Variants in XCR1 observed in about 807,000 individuals in gnomAD.
The protein encoded by XCR1 is X-C motif chemokine receptor 1, also known as chemokine XC receptor 1.
For synonymous variants in XCR1, 187 were observed against 188.5 expected (o/e 0.99, Z 0.06); for missense variants, 356 against 424.2 (o/e 0.84, Z 1.41).
chr3:46,023,658 T>G (rs1708217707), intron 1 of XCR1: 2 of 1,404,320 alleles, frequency 1.4e-6, no homozygotes. Context: ...AGTACAGCCC[T>G]TCTTCAGAGA....
At chr3:46,044,840 C>T (rs1697595837) in intron 5 of XCR1, among the ~76,000 whole-genome samples, 1 of 152,128 alleles carries the variant, frequency 6.6e-6, no homozygotes, top group African/African-American at 2.4e-5. Flanking sequence ...AGCTATTAAA[C>T]AAATTAAATC....
chr3:46,053,805 C>T (rs1428035964), intron 5 of XCR1, among the ~76,000 whole-genome samples: 1 of 152,060 alleles, frequency 6.6e-6, no homozygotes, highest in Admixed American at 6.5e-5. Flanking sequence ...AGCAACTGCA[C>T]ATAATGTTTT....
At chr3:46,057,750 T>A (rs1697877774) in intron 4 of XCR1, among the ~76,000 whole-genome samples, 1 of 152,180 alleles carries the variant, frequency 6.6e-6, no homozygotes, top group Non-Finnish European at 1.5e-5. Flanking sequence ...AGCCTTTACC[T>A]GAGAGTTCCA....
chr3:46,021,214 A>G lies in XCR1; in HGVS notation c.734T>C (p.Leu245Pro), dbSNP rs768430699. ...GGTCCGAAACAGCGTCTGCAGAAAC[A>G]GGGTGAAGTTGTAGGGACCCCAGCT... ...FLSWGPYNFT[L>P]FLQTLFRTQI... is the part of the protein sequence containing the mutation. Residue 245 changes from leucine (L) to proline (P), a missense_variant, in exon 2 of 2, where the codon CTG (leucine) becomes CCG (proline). Physicochemically the swap from Leu to Pro is moderately conservative, Grantham distance 98. Transcript: ENST00000309285. This position sits in a 1 kb window ranked among gnomAD's most constrained non-coding sequence, Gnocchi z 4.7. 1.9e-5 allele frequency: 30 copies of G among 1,614,116 alleles called. No individual in the cohort carries two copies. The highest frequency in any genetic ancestry group is 2.4e-5 in the Non-Finnish European group (28 of 1,180,038).
At chr3:46,053,007 C>T (rs1697777691) in intron 5 of XCR1, among the ~76,000 whole-genome samples, 2 of 152,286 alleles carry the variant, frequency 1.3e-5, no homozygotes, top group Non-Finnish European at 2.9e-5. Context: ...GGGCCATTAC[C>T]CAATAGCATA....
At position 46,019,157 on chromosome 3, in the gene XCR1, T is replaced by C. The variant is rs1708097371; in HGVS notation, c.*1789A>G. On this transcript the variant is annotated 3_prime_UTR_variant, in exon 2 of 2. Transcript: ENST00000309285. The stretch of plus-strand genomic sequence containing the variant: ...AGAGAGAGATAAGCAATCTCTCTAC[T>C]ACTACACCCTACTCTCTTTCTACTA... The C allele has an allele frequency of 1.3e-5, 2 of 152,178 alleles. No homozygotes were observed. The highest frequency in any genetic ancestry group is 1.3e-4 in the Admixed American group (2 of 15,284). 9.4% of individuals were successfully genotyped at this position (152,178 alleles called of 1,614,324 possible). A position where few individuals can be genotyped will look rare whatever the true frequency, so the allele number is the denominator to read the frequency against.
At chr3:46,060,893 C>T (rs550599350) in intron 4 of XCR1, among the ~76,000 whole-genome samples, 5 of 152,144 alleles carry the variant, frequency 3.3e-5, no homozygotes, top group African/African-American at 1.2e-4. Context: ...AAGCCTGCTG[C>T]TTCAGGATGA....
Position 46,021,183 on chromosome 3 carries a change from G to A in XCR1, c.765C>T (p.Ile255=), listed in dbSNP as rs1224788608. Residue 255 remains isoleucine (I), a synonymous_variant, in exon 2 of 2, where the codon ATC becomes ATT. Coordinates refer to ENST00000309285, the MANE Select transcript of XCR1 (RefSeq NM_001024644.2). The surrounding 1 kb of genome is among the most constrained non-coding windows in gnomAD (Gnocchi z 4.7). ...LFLQTLFRTQ[I]IRSCEAKQQL... is the part of the protein sequence containing the mutation. Reference sequence around the variant, plus strand: ...GCTGTTTGGCCTCGCAGCTCCGGATGATCTGGGTCCGAAACAGCGTCTGCA... The same window carrying A: ...GCTGTTTGGCCTCGCAGCTCCGGATAATCTGGGTCCGAAACAGCGTCTGCA... 6.2e-7 allele frequency: 1 copy of A among 1,614,260 alleles called. No homozygotes were observed. The highest frequency in any genetic ancestry group is 8.5e-7 in the Non-Finnish European group (1 of 1,180,044).
chr3:46,078,635 C>T (rs1168684712), intron 1 of XCR1, among the ~76,000 whole-genome samples: 1 of 152,210 alleles, frequency 6.6e-6, no homozygotes, highest in South Asian at 2.1e-4. Context: ...TTACATAGCA[C>T]GCTTTTAAAA....
intron 1 of XCR1, chr3:46,023,803 G>A: frequency 1.9e-6 from 3 of 1,541,258 alleles, no homozygotes; most frequent in South Asian, 2.3e-5. Flanking sequence ...AATTATAGAG[G>A]AATAGGCAAC....
At chr3:46,046,464 AG>A (rs751719387) in intron 5 of XCR1, among the ~76,000 whole-genome samples, 6 of 152,230 alleles carry the variant, frequency 3.9e-5, no homozygotes, top group Non-Finnish European at 8.8e-5. Flanking sequence ...TCTGGCAGTG[AG>A]AGCAGTCGTG....
At chr3:46,059,215 C>T (rs1039702422) in intron 4 of XCR1, among the ~76,000 whole-genome samples, 4 of 152,172 alleles carry the variant, frequency 2.6e-5, no homozygotes, top group African/African-American at 9.7e-5. Context: ...CCTATGGCCT[C>T]ATGAAGAATT....
intron 4 of XCR1, among the ~76,000 whole-genome samples, chr3:46,058,141 A>G (rs1697888966): frequency 6.6e-6 from 1 of 152,180 alleles, no homozygotes; most frequent in African/African-American, 2.4e-5. Context: ...CTCTCGTATG[A>G]TTCAATTTAA....
At chr3:46,062,148 G>A (rs575262897) in intron 4 of XCR1, among the ~76,000 whole-genome samples, 3 of 152,136 alleles carry the variant, frequency 2.0e-5, no homozygotes, top group Non-Finnish European at 4.4e-5. Context: ...GAGTGGTTAG[G>A]GTTCAGGAGA....
intron 1 of XCR1, chr3:46,024,211 C>T (rs1364158573): frequency 3.3e-6 from 1 of 300,556 alleles, no homozygotes; most frequent in Non-Finnish European, 5.7e-6. Context: ...ATAGTTAATC[C>T]AGCAAAAAAA....
chr3:46,083,544 T>G (rs1453948840), intron 1 of XCR1, among the ~76,000 whole-genome samples: 2 of 151,592 alleles, frequency 1.3e-5, no homozygotes, highest in East Asian at 3.8e-4. Context: ...GATAGCTCCA[T>G]GCATTTTTTT....
intron 4 of XCR1, among the ~76,000 whole-genome samples, chr3:46,058,999 C>T (rs34047915): frequency 0.09 from 13,730 of 152,210 alleles, 1,005 homozygotes; most frequent in South Asian, 0.34. Context: ...GTCTTCTTTG[C>T]CAGCAGAAGC....
chr3:46,064,096 C>G (rs1174532154), intron 4 of XCR1, among the ~76,000 whole-genome samples: 1 of 152,202 alleles, frequency 6.6e-6, no homozygotes, highest in Non-Finnish European at 1.5e-5. Context: ...TGGTCTCAAA[C>G]TCCTGGCCTC....
At position 46,022,078 on chromosome 3, in the gene XCR1, T is replaced by C. The variant is rs141406315; in HGVS notation, c.-31-100A>G. 1.8e-3 allele frequency: 1,938 copies of C among 1,060,544 alleles called. 25 individuals are homozygous for C. In the African/African-American group the frequency reaches 0.028, roughly 15 times the overall value. 65.7% of individuals were successfully genotyped at this position (1,060,544 alleles called of 1,614,324 possible). ...CTTTGGAAAGGCCAAAGGGAGAGGA[T>C]TGCTTGACCCCAGGAGTTTGAGACC... is the stretch of plus-strand genomic sequence containing the variant. On this transcript the variant is annotated intron_variant, in intron 1 of 1. Transcript: ENST00000309285.
Sources: allele counts gnomAD v4.1 joint callset (sites outside exome capture counted in the v4.1 genomes callset), GRCh38; gene constraint gnomAD v4.1.1; non-coding constraint Gnocchi (gnomAD v3.1); transcripts MANE v1.5; gene names NCBI Gene and HGNC (gene_info 2026-07-23, HGNC 2026-07-21).